PTPN23: variants seen among roughly 807,000 people sequenced by gnomAD.
PTPN23 encodes the protein tyrosine-protein phosphatase non-receptor type 23.
A neutral mutation model predicts 156.3 loss-of-function variants in PTPN23; 72 were observed. The observed-to-expected ratio is 0.46, with a 90% confidence interval of 0.38 to 0.56. PTPN23 has a LOEUF of 0.56. Among genes scored for constraint, PTPN23 ranks in the 20% least tolerant of loss-of-function variants. The probability of loss-of-function intolerance (pLI) is 0.00; values close to 1 mark genes in which losing one functional copy is unlikely to be tolerated. For synonymous variants in PTPN23, 957 were observed against 899.6 expected, an observed-to-expected ratio of 1.06 and a Z score of -1.14; for missense variants, 1,974 against 2,171.5, an observed-to-expected ratio of 0.91 and a Z score of 1.81.
In PTPN23 at chr3:47,405,398, CAGG is replaced by C. The variant is rs1705098554; in HGVS notation, c.364+323_364+325del. 1.9e-6 allele frequency: 1 copy of C among 534,236 alleles called. No homozygotes were observed. Among genetic ancestry groups the C allele is most frequent in the Admixed American group, 3.2e-5 (1 of 31,032 alleles). 33.1% of individuals were successfully genotyped at this position (534,236 alleles called of 1,614,324 possible). A position where few individuals can be genotyped will look rare whatever the true frequency, so the allele number is the denominator to read the frequency against. Reference sequence around the variant, plus strand: ...CACTGTGGTTTTGGGCTGCTTCAGGCAGGAGGAGAGTGTGGCTGGCCTCAGCTT... The same window carrying C: ...CACTGTGGTTTTGGGCTGCTTCAGGCAGGAGAGTGTGGCTGGCCTCAGCTT... On this transcript the variant is annotated intron_variant, in intron 4 of 24. Transcript: ENST00000265562. The surrounding 1 kb of genome is among the most constrained non-coding windows in gnomAD (Gnocchi z 4.7).
chr3:47,401,743 T>G (rs940441995), intron 2 of PTPN23, among the ~76,000 whole-genome samples: 3 of 152,322 alleles, frequency 2.0e-5, no homozygotes, highest in Admixed American at 6.5e-5. Context: ...CCTAATGCTG[T>G]GAGCTGCAGC....
chr3:47,402,627 A>T (rs1352767705), intron 2 of PTPN23, among the ~76,000 whole-genome samples: 1 of 152,046 alleles, frequency 6.6e-6, no homozygotes, highest in Non-Finnish European at 1.5e-5. Context: ...AAATCCTGTC[A>T]TTCAGCGATA....
chr3:47,384,987 C>A (rs1172230580), intron 1 of PTPN23, among the ~76,000 whole-genome samples: 1 of 152,096 alleles, frequency 6.6e-6, no homozygotes. Flanking sequence ...GTCTTGAACC[C>A]CCGACCTCAG....
Position 47,407,798 on chromosome 3 carries a change from T to A in PTPN23, c.1105T>A (p.Ser369Thr). The A allele has an allele frequency of 6.2e-7, 1 of 1,614,004 alleles. No homozygotes were observed. Among genetic ancestry groups the A allele is most frequent in the Non-Finnish European group, 8.5e-7 (1 of 1,179,992 alleles). ...KLVPMAAHEA[S>T]SLYSEEKAKL... is the part of the protein sequence containing the mutation. ...GGTACCCATGGCTGCCCACGAGGCC[T>A]CGTCACTGTACAGGTGGGTGGAGGG... Residue 369 changes from serine (S) to threonine (T), a missense_variant, in exon 13 of 25, where the codon TCG becomes ACG. By Grantham distance (58) the Ser-to-Thr change is moderately conservative. Transcript: ENST00000265562. This position sits in a 1 kb window ranked among gnomAD's most constrained non-coding sequence, Gnocchi z 4.0.
At chr3:47,408,521 G>C (rs747764898) in intron 15 of PTPN23, 31 bp downstream of exon 15, 2 of 1,592,898 alleles carry the variant, frequency 1.3e-6, no homozygotes, top group African/African-American at 2.7e-5. Context: ...GCAGGTGGAA[G>C]GGAGTGTGGA....
rs761044983 is a variant in PTPN23 at position 47,412,179 on chromosome 3, C to G, written c.4159C>G (p.Pro1387Ala). ...CCTGCATCAGCGGCCGCTGCACACGCCCATCATTGTGCACTGCAGGTAGAG... is the reference window on the plus strand; with the variant it reads ...CCTGCATCAGCGGCCGCTGCACACGGCCATCATTGTGCACTGCAGGTAGAG... Reference protein sequence around the residue: ...HYLHQRPLHTPIIVHCSSGVG... With the variant: ...HYLHQRPLHTAIIVHCSSGVG... Residue 1387 changes from proline to alanine, a missense_variant, in exon 22 of 25, where the codon CCC becomes GCC. Around this residue, in one of 4 missense-constraint regions of PTPN23, gnomAD observed 484 missense variants for 516.0 expected, o/e 0.94. Transcript: ENST00000265562. 8 of 1,613,208 alleles carry G rather than the reference C, an allele frequency of 5.0e-6. No individual in the cohort carries two copies. In the East Asian group the frequency reaches 1.6e-4, roughly 31 times the overall value.
Position 47,405,090 on chromosome 3 carries a change from C to G in PTPN23, c.364+9C>G, listed in dbSNP as rs1281249712. 20 of 1,613,488 alleles carry G rather than the reference C, an allele frequency of 1.2e-5. No individual in the cohort carries two copies. The highest frequency in any genetic ancestry group is 1.7e-5 in the Non-Finnish European group (20 of 1,179,562). On this transcript the variant is annotated intron_variant, in intron 4 of 24. Transcript: ENST00000265562. This position sits in a 1 kb window ranked among gnomAD's most constrained non-coding sequence, Gnocchi z 4.7. ...TATTCTCTACAACCTTGGTGAGCTG[C>G]CTGATCCCTTCCCCCGGCCCTACTC...
At chr3:47,389,252 G>A (rs1704718589) in intron 1 of PTPN23, among the ~76,000 whole-genome samples, 1 of 152,214 alleles carries the variant, frequency 6.6e-6, no homozygotes, top group South Asian at 2.1e-4. Context: ...GAAATAACTC[G>A]AATCCTTATG....
At position 47,413,375 on chromosome 3, in the gene PTPN23, T is replaced by C. The variant is rs1201297043; in HGVS notation, c.*190T>C. 2.8e-6 allele frequency: 2 copies of C among 719,368 alleles called. No individual in the cohort carries two copies. Among genetic ancestry groups the C allele is most frequent in the South Asian group, 2.2e-5 (1 of 44,556 alleles). The allele number at this position is 719,368 out of a possible 1,614,324, so 44.6% of individuals were successfully genotyped here. ...AGGCTCTGGGTCAGGTTCTGCTCCT[T>C]TATGGGACCCGACATTTTTCAGCTC... is the stretch of plus-strand genomic sequence containing the variant. On this transcript the variant is annotated 3_prime_UTR_variant, in exon 25 of 25. Coordinates refer to ENST00000265562, the MANE Select transcript of PTPN23 (RefSeq NM_015466.4).
Position 47,408,828 on chromosome 3 carries a change from T to TGTC in PTPN23, c.1383_1384insGTC (p.Asp461_Leu462insVal). The TGTC allele has an allele frequency of 6.2e-7, 1 of 1,613,204 alleles. No individual in the cohort carries two copies. Among genetic ancestry groups the TGTC allele is most frequent in the Non-Finnish European group, 8.5e-7 (1 of 1,179,434 alleles). On this transcript the variant is annotated inframe_insertion, in exon 16 of 25. Transcript: ENST00000265562. ...AGGCTTCCCTGAAGGACATCAGAGA[T>TGTC]CTGTTGGAGGAGGATGAGCTGCTAG...
At chr3:47,409,369 G>A (rs1162793938) in intron 17 of PTPN23, 48 bp from the exon 18 acceptor site, 21 of 1,613,470 alleles carry the variant, frequency 1.3e-5, no homozygotes, top group Non-Finnish European at 1.8e-5. Flanking sequence ...CCCACCCTTA[G>A]GAGTCGAGGC....
chr3:47,413,376 T>A lies in PTPN23; in HGVS notation c.*191T>A, dbSNP rs1705382555. 1.4e-6 allele frequency: 1 copy of A among 706,136 alleles called. No individual in the cohort carries two copies. The highest frequency in any genetic ancestry group is 2.3e-6 in the Non-Finnish European group (1 of 442,752). The allele number at this position is 706,136 out of a possible 1,614,324, so 43.7% of individuals were successfully genotyped here. ...GGCTCTGGGTCAGGTTCTGCTCCTT[T>A]ATGGGACCCGACATTTTTCAGCTCT... On this transcript the variant is annotated 3_prime_UTR_variant, in exon 25 of 25. Coordinates refer to ENST00000265562, the MANE Select transcript of PTPN23 (RefSeq NM_015466.4).
In PTPN23 at chr3:47,409,036, G is replaced by A. The variant is rs372305913; in HGVS notation, c.1591G>A (p.Gly531Arg). Residue 531 changes from glycine (G) to arginine (R), a missense_variant, in exon 16 of 25, where the codon GGG becomes AGG. Physicochemically the swap from Gly to Arg is moderately radical, Grantham distance 125 (BLOSUM62 -2). Around this residue, in one of 4 missense-constraint regions of PTPN23, gnomAD observed 726 missense variants for 929.5 expected, o/e 0.78. Coordinates refer to ENST00000265562, the MANE Select transcript of PTPN23 (RefSeq NM_015466.4). ...LHVGNLRLLS[G>R]PLDQVRAALP... ...CGTCGGCAACCTGCGCCTGCTCAGC[G>A]GGCCGCTTGACCAGGTCCGGGCTGC... The A allele has an allele frequency of 1.7e-5, 27 of 1,613,790 alleles. No individual in the cohort carries two copies. Among genetic ancestry groups the A allele is most frequent in the Admixed American group, 5.0e-5 (3 of 59,994 alleles).
chr3:47,389,840 CAAAAAAAAAAAAAAA>C (rs34520125), intron 1 of PTPN23, among the ~76,000 whole-genome samples: 1 of 32,346 alleles, frequency 3.1e-5, no homozygotes, highest in Non-Finnish European at 6.7e-5. Context: ...GACTCCGTCT[CAAAAAAAAAAAAAAA>C]AAAAAAAAGG....
In PTPN23 at chr3:47,408,482, C is replaced by CCATG; in HGVS notation, c.1325_1328dup (p.Gln443HisfsTer26). ...GACACTGTCAGGAACCTTGTACAGT[C>CCATG]CATGCAAGGTGAGTAAGGGGCAGAG... is the stretch of plus-strand genomic sequence containing the variant. On this transcript the variant is annotated frameshift_variant, in exon 15 of 25. Coordinates refer to ENST00000265562, the MANE Select transcript of PTPN23 (RefSeq NM_015466.4). LOFTEE classifies it high-confidence loss of function. 6.2e-7 allele frequency: 1 copy of CCATG among 1,611,786 alleles called. No homozygotes were observed. Among genetic ancestry groups the CCATG allele is most frequent in the Non-Finnish European group, 8.5e-7 (1 of 1,178,406 alleles).
Position 47,412,406 on chromosome 3 carries a change from C to G in PTPN23, c.4302C>G (p.His1434Gln). 2 of 1,613,064 alleles carry G rather than the reference C, an allele frequency of 1.2e-6. No homozygotes were observed. Among genetic ancestry groups the G allele is most frequent in the Non-Finnish European group, 1.7e-6 (2 of 1,179,982 alleles). ...GGCGCATGCGGCAGCAGAGAAAGCA[C>G]ATGCTGCAGGAGAAGGTGAGGATCT... is the stretch of plus-strand genomic sequence containing the variant. ...LVRRMRQQRK[H>Q]MLQEKLHLRF... The change falls in exon 23 of 25, where the codon CAC becomes CAG. Residue 1434 changes from histidine (H) to glutamine (Q), a missense_variant. By Grantham distance (24) the His-to-Gln change is conservative. Around this residue, in one of 4 missense-constraint regions of PTPN23, gnomAD observed 484 missense variants for 516.0 expected, o/e 0.94. Coordinates refer to ENST00000265562, the MANE Select transcript of PTPN23 (RefSeq NM_015466.4).
chr3:47,404,077 A>G (rs1311537911), intron 2 of PTPN23, among the ~76,000 whole-genome samples: 3 of 152,168 alleles, frequency 2.0e-5, no homozygotes, highest in Non-Finnish European at 4.4e-5. Context: ...TTAAATTCAA[A>G]AAACTGTGGG....
intron 1 of PTPN23, among the ~76,000 whole-genome samples, chr3:47,385,759 G>A (rs1313843137): frequency 6.6e-6 from 1 of 152,192 alleles, no homozygotes; most frequent in Non-Finnish European, 1.5e-5. Context: ...AAGTGCAGGT[G>A]TACATCTGGC....
At chr3:47,392,367 G>T (rs1008541584) in intron 1 of PTPN23, among the ~76,000 whole-genome samples, 1 of 150,720 alleles carries the variant, frequency 6.6e-6, no homozygotes, top group Non-Finnish European at 1.5e-5. Context: ...ATTTTTTTTC[G>T]TAGAGATGGG....
Sources: gnomAD v4.1 joint callset for allele counts (sites outside exome capture counted in the v4.1 genomes callset) on GRCh38, gnomAD v4.1.1 for gene constraint, gnomAD v4.1.1 regional missense constraint, Gnocchi (gnomAD v3.1) non-coding constraint, MANE v1.5 for transcripts, NCBI Gene and HGNC (gene_info 2026-07-23, HGNC 2026-07-21) for gene names.